SEMA5A: variants seen among roughly 807,000 people sequenced by gnomAD.
The protein encoded by SEMA5A is semaphorin-5A.
Under a neutral mutation model 135.5 loss-of-function variants are expected in SEMA5A, and 55 were observed. The ratio of observed to expected loss-of-function variants is 0.41; its 90% CI spans 0.33 to 0.51. The LOEUF is 0.51. Ranked by LOEUF, SEMA5A falls within the 20% of genes least tolerant of loss-of-function variation. SEMA5A has a pLI of 0.37. For synonymous variants in SEMA5A, 580 were observed against 546.5 expected (o/e 1.06, Z -0.85); for missense variants, 1,290 against 1,419.9 (o/e 0.91, Z 1.47).
intron 1 of SEMA5A, among the ~76,000 whole-genome samples, chr5:9,445,610 A>C (rs1425696401): frequency 1.3e-5 from 2 of 152,056 alleles, no homozygotes; most frequent in East Asian, 1.9e-4. Context: ...CGGAGCTTGC[A>C]ATGAGCCGAG....
intron 8 of SEMA5A, among the ~76,000 whole-genome samples, chr5:9,214,969 G>A (rs1041410795): frequency 7.2e-5 from 11 of 152,250 alleles, no homozygotes; most frequent in South Asian, 2.1e-4. Context: ...GGAGAGAAGC[G>A]CCCCTTCCCC....
rs1579449897 is a variant in SEMA5A, at chr5:9,131,630, AAAAAAAAAAAAAAAAAAAAAAAAAAAAAC to A, written c.1599+4845_1599+4873del. On this transcript the variant is annotated intron_variant, in intron 13 of 22. Transcript: ENST00000382496. Reference sequence around the variant, plus strand: ...CTCAAAAAAAAAAAAAAAAAAAAAAAAAAAAAAAAAAAAAAAAAAAAAAAAAAACCTGTCATGTGAGCAATAGAGCAAGA... The same window carrying A: ...CTCAAAAAAAAAAAAAAAAAAAAAAACTGTCATGTGAGCAATAGAGCAAGA... 1.1e-4 allele frequency among the ~76,000 whole-genome samples: 9 copies of A among 80,114 alleles called. 2 individuals carry two copies. Among genetic ancestry groups the A allele is most frequent in the African/African-American group, 3.4e-4 (7 of 20,876 alleles). 52.6% of individuals were successfully genotyped at this position (80,114 alleles called of 152,430 possible).
chr5:9,335,834 T>G (rs557173132), intron 4 of SEMA5A, among the ~76,000 whole-genome samples: 1 of 152,298 alleles, frequency 6.6e-6, no homozygotes, highest in South Asian at 2.1e-4. Flanking sequence ...ATAAATGTGT[T>G]GAATCAACAG....
At chr5:9,100,378 C>A (rs922726756) in intron 16 of SEMA5A, among the ~76,000 whole-genome samples, 1 of 152,162 alleles carries the variant, frequency 6.6e-6, no homozygotes, top group Non-Finnish European at 1.5e-5. Context: ...CACACACTTC[C>A]CTTCCTGTGG....
chr5:9,407,212 T>C (rs897429390), intron 2 of SEMA5A, among the ~76,000 whole-genome samples: 4 of 152,210 alleles, frequency 2.6e-5, no homozygotes, highest in African/African-American at 9.6e-5. Flanking sequence ...TATACAAAGA[T>C]ACAATCTACA....
At chr5:9,290,571 C>T (rs1751028830) in intron 5 of SEMA5A, among the ~76,000 whole-genome samples, 1 of 152,028 alleles carries the variant, frequency 6.6e-6, no homozygotes, top group Admixed American at 6.6e-5. Flanking sequence ...TCTACAGGTA[C>T]CTACTATTCA....
chr5:9,323,463 T>TA (rs1752720288), intron 4 of SEMA5A, among the ~76,000 whole-genome samples: 1 of 149,042 alleles, frequency 6.7e-6, no homozygotes. Flanking sequence ...TATTTGTTAA[T>TA]AAAATCAGTT....
intron 8 of SEMA5A, among the ~76,000 whole-genome samples, chr5:9,210,455 C>T (rs1057194437): frequency 3.9e-5 from 6 of 152,194 alleles, no homozygotes; most frequent in African/African-American, 1.4e-4. Context: ...GTTTATTGCA[C>T]CATGTATGCA....
chr5:9,154,430 T>C, intron 12 of SEMA5A, 58 bp downstream of exon 12: 1 of 1,556,552 alleles, frequency 6.4e-7, no homozygotes, highest in Non-Finnish European at 8.8e-7. Flanking sequence ...TCCCTGGCTC[T>C]CTCTGGGTGG....
chr5:9,200,182 T>C (rs940447204), intron 9 of SEMA5A, among the ~76,000 whole-genome samples: 2 of 152,232 alleles, frequency 1.3e-5, no homozygotes, highest in African/African-American at 4.8e-5. Context: ...AGGGGAGATG[T>C]AGCACTTCTA....
intron 2 of SEMA5A, among the ~76,000 whole-genome samples, chr5:9,427,932 C>A (rs1757716417): frequency 6.6e-6 from 1 of 151,974 alleles, no homozygotes; most frequent in South Asian, 2.1e-4. Context: ...GGGTTTCATC[C>A]AATTATAAGG....
At chr5:9,418,832 T>A (rs553038477) in intron 2 of SEMA5A, among the ~76,000 whole-genome samples, 1 of 152,334 alleles carries the variant, frequency 6.6e-6, no homozygotes, top group Admixed American at 6.5e-5. Flanking sequence ...GTAATAGGCA[T>A]CCTAACCATT....
At chr5:9,183,439 G>A (rs1178527443) in intron 11 of SEMA5A, among the ~76,000 whole-genome samples, 1 of 152,108 alleles carries the variant, frequency 6.6e-6, no homozygotes, top group Non-Finnish European at 1.5e-5. Context: ...AGAAGCGTGC[G>A]ATCTCATCCA....
intron 3 of SEMA5A, among the ~76,000 whole-genome samples, chr5:9,354,304 C>CT (rs1168430546): frequency 6.6e-6 from 1 of 152,156 alleles, no homozygotes; most frequent in Non-Finnish European, 1.5e-5. Context: ...AACTAGAAAG[C>CT]TGTATTTACA....
chr5:9,437,053 G>A (rs1372199491), intron 2 of SEMA5A, among the ~76,000 whole-genome samples: 2 of 152,170 alleles, frequency 1.3e-5, no homozygotes, highest in African/African-American at 4.8e-5. Context: ...GAGAGGTTTA[G>A]GGCTTACCCA....
intron 1 of SEMA5A, among the ~76,000 whole-genome samples, chr5:9,456,682 G>T (rs1561268004): frequency 1.3e-5 from 2 of 152,124 alleles, no homozygotes; most frequent in African/African-American, 4.8e-5. Flanking sequence ...AATAACAAAG[G>T]CAGAAGGCTG....
intron 1 of SEMA5A, among the ~76,000 whole-genome samples, chr5:9,458,650 T>C (rs576210488): frequency 1.6e-4 from 24 of 151,990 alleles, no homozygotes; most frequent in Non-Finnish European, 2.1e-4. Flanking sequence ...GCTCCAAGGG[T>C]GAGGGAGGGA....
At chr5:9,442,831 A>C (rs1330733418) in intron 1 of SEMA5A, among the ~76,000 whole-genome samples, 1 of 152,208 alleles carries the variant, frequency 6.6e-6, no homozygotes, top group Non-Finnish European at 1.5e-5. Flanking sequence ...CAGTCTAAAA[A>C]CTCAGCATGT....
intron 22 of SEMA5A, 150 bp from the exon 23 acceptor site, chr5:9,043,166 AT>A: frequency 1.4e-6 from 1 of 738,578 alleles, no homozygotes; most frequent in Non-Finnish European, 2.1e-6. Context: ...GCTTCCCCAG[AT>A]TATTTGCCCC....
Sources: allele counts gnomAD v4.1 joint callset (sites outside exome capture counted in the v4.1 genomes callset), GRCh38; gene constraint gnomAD v4.1.1; transcripts MANE v1.5; gene names NCBI Gene and HGNC (gene_info 2026-07-23, HGNC 2026-07-21).